SMARCA2: variants seen among roughly 807,000 people sequenced by gnomAD.
The protein encoded by SMARCA2 is SWI/SNF related BAF chromatin remodeling complex subunit ATPase 2, also known as SWI/SNF-related matrix-associated actin-dependent regulator of chromatin subfamily A member 2.
In SMARCA2, 61 loss-of-function variants were observed where a neutral mutation model predicts 199.8. That is an observed-to-expected ratio of 0.31 (90% CI 0.25 to 0.38). SMARCA2 has a LOEUF of 0.38. SMARCA2 is among the 10% of genes least tolerant of loss of function. The pLI, the probability that SMARCA2 is intolerant of heterozygous loss-of-function variation, is 1.00. For missense variants in SMARCA2, 1,344 were observed against 2,012.2 expected, an observed-to-expected ratio of 0.67 and a Z score of 6.35; for synonymous variants, 935 against 732.0, an observed-to-expected ratio of 1.28 and a Z score of -4.48.
chr9:2,180,966 G>A (rs1250520211), intron 29 of SMARCA2, among the ~76,000 whole-genome samples: 2 of 152,082 alleles, frequency 1.3e-5, no homozygotes, highest in Non-Finnish European at 2.9e-5. Context: ...CAAGATGAAG[G>A]GGTTCCTCTG....
At chr9:2,078,025 C>A (rs1821402195) in intron 14 of SMARCA2, among the ~76,000 whole-genome samples, 1 of 152,132 alleles carries the variant, frequency 6.6e-6, no homozygotes, top group Non-Finnish European at 1.5e-5. Context: ...GTGATCTCTG[C>A]AAAATGGAAA....
At chr9:2,061,095 G>A in intron 9 of SMARCA2, 109 bp downstream of exon 9, 1 of 1,075,972 alleles carries the variant, frequency 9.3e-7, no homozygotes, top group East Asian at 2.6e-5. Context: ...GGAAGGTTTA[G>A]ATGATTGAAT....
At chr9:2,020,602 C>G (rs868380951) in intron 1 of SMARCA2, among the ~76,000 whole-genome samples, 5 of 152,146 alleles carry the variant, frequency 3.3e-5, no homozygotes, top group African/African-American at 1.2e-4. Flanking sequence ...TAAATGGGAT[C>G]TTGCAACCTG....
At chr9:2,087,235 T>C in intron 18 of SMARCA2, 164 bp downstream of exon 18, 1 of 778,714 alleles carries the variant, frequency 1.3e-6, no homozygotes, top group Non-Finnish European at 2.0e-6. Context: ...GGTGGGGTTA[T>C]TTTCCCCTCC....
intron 5 of SMARCA2, among the ~76,000 whole-genome samples, chr9:2,051,871 T>C (rs1278954531): frequency 1.3e-5 from 2 of 152,230 alleles, no homozygotes; most frequent in Admixed American, 6.5e-5. Context: ...AGTGGATTTT[T>C]TTCTTTACAT....
chr9:2,158,302 T>C (rs1014833420), intron 27 of SMARCA2: 2 of 156,706 alleles, frequency 1.3e-5, no homozygotes, highest in Non-Finnish European at 2.8e-5. Flanking sequence ...TGGGTTTTTT[T>C]TCGTGACATC....
intron 27 of SMARCA2, among the ~76,000 whole-genome samples, chr9:2,129,494 C>T (rs1205998634): frequency 1.3e-5 from 2 of 152,200 alleles, no homozygotes; most frequent in African/African-American, 4.8e-5. Flanking sequence ...CTGCCTGCTC[C>T]TCGTGGAGTC....
intron 21 of SMARCA2, among the ~76,000 whole-genome samples, chr9:2,100,639 T>A (rs1822468595): frequency 6.6e-6 from 1 of 151,510 alleles, no homozygotes. Flanking sequence ...GAGGCAGAGG[T>A]TTGCAATGAG....
chr9:2,184,864 C>T (rs914151490), intron 31 of SMARCA2, among the ~76,000 whole-genome samples: 3 of 151,436 alleles, frequency 2.0e-5, no homozygotes, highest in Non-Finnish European at 4.4e-5. Flanking sequence ...CTCTCTCTCG[C>T]GCGGGTCCTT....
In SMARCA2 at chr9:2,016,169, C is replaced by T. The variant is rs1818346213; in HGVS notation, c.-37+765C>T. The T allele has an allele frequency of 6.6e-6, 1 of 152,350 alleles. No homozygotes were observed. The highest frequency in any genetic ancestry group is 6.5e-5 in the Admixed American group (1 of 15,280). 9.4% of individuals were successfully genotyped at this position (152,350 alleles called of 1,614,324 possible). On this transcript the variant is annotated intron_variant, in intron 1 of 33. Coordinates refer to ENST00000349721, the MANE Select transcript of SMARCA2 (RefSeq NM_003070.5). This position sits in a 1 kb window ranked among gnomAD's most constrained non-coding sequence, Gnocchi z 5.6. ...GTGCGTGCCTGATCGGAGGTGTCAC[C>T]TCCACTTTCCGCGTTTCCTCCGGCG...
intron 3 of SMARCA2, among the ~76,000 whole-genome samples, chr9:2,038,766 A>T (rs3793479): frequency 0.52 from 78,561 of 151,852 alleles, 20,536 homozygotes; most frequent in East Asian, 0.57. Flanking sequence ...CAATCCTTAA[A>T]TAAGACTCTG....
chr9:2,062,762 A>G (rs1427763991), intron 9 of SMARCA2, among the ~76,000 whole-genome samples: 1 of 152,152 alleles, frequency 6.6e-6, no homozygotes, highest in Non-Finnish European at 1.5e-5. Context: ...TACAATGGTG[A>G]GGAAAAGCAT....
intron 1 of SMARCA2, chr9:2,027,737 C>T (rs773968680): frequency 6.6e-6 from 1 of 152,144 alleles, no homozygotes; most frequent in African/African-American, 2.4e-5. Flanking sequence ...GGTGACTAGG[C>T]CACCACGGTC....
chr9:2,111,068 C>T (rs1352082258), intron 24 of SMARCA2, among the ~76,000 whole-genome samples: 5 of 142,832 alleles, frequency 3.5e-5, no homozygotes, highest in East Asian at 2.0e-4. Context: ...TTAAATTGAG[C>T]GGGTCTCTCA....
chr9:2,076,159 C>T (rs1821315414), intron 12 of SMARCA2, 70 bp from the exon 13 acceptor site: 2 of 880,172 alleles, frequency 2.3e-6, no homozygotes, highest in Non-Finnish European at 3.8e-6. Flanking sequence ...TATGTCTTTT[C>T]AGAAAATGTC....
chr9:2,105,404 C>A (rs1179234713), intron 23 of SMARCA2, among the ~76,000 whole-genome samples: 1 of 140,078 alleles, frequency 7.1e-6, no homozygotes, highest in Non-Finnish European at 1.5e-5. Flanking sequence ...TGCCACCACG[C>A]CCGGCTAATT....
In SMARCA2 at chr9:2,033,186, T is replaced by C. The variant is rs964431436; in HGVS notation, c.355+105T>C. 3.9e-6 allele frequency: 5 copies of C among 1,287,282 alleles called. No individual in the cohort carries two copies. In the African/African-American group the frequency reaches 6.0e-5, roughly 15 times the overall value. 79.7% of individuals were successfully genotyped at this position (1,287,282 alleles called of 1,614,324 possible). The stretch of plus-strand genomic sequence containing the variant: ...TTCCAAAGAATGTGTCTAAGGAAGG[T>C]TGAACCTAGTAGGTTTCTTTTCCTT... On this transcript the variant is annotated intron_variant, in intron 3 of 33. Transcript: ENST00000349721.
intron 20 of SMARCA2, chr9:2,097,122 A>G: frequency 2.0e-6 from 1 of 491,500 alleles, no homozygotes; most frequent in Non-Finnish European, 3.6e-6. Context: ...CGGAATAGAC[A>G]GTCATGTCGC....
intron 1 of SMARCA2, among the ~76,000 whole-genome samples, chr9:2,019,267 G>C: frequency 6.6e-6 from 1 of 152,128 alleles, no homozygotes; most frequent in Non-Finnish European, 1.5e-5. Flanking sequence ...AAGAGGGTGA[G>C]GGGAGGGAGG....
Sources: gnomAD v4.1 joint callset for allele counts (sites outside exome capture counted in the v4.1 genomes callset) on GRCh38, gnomAD v4.1.1 for gene constraint, Gnocchi (gnomAD v3.1) non-coding constraint, MANE v1.5 for transcripts, NCBI Gene and HGNC (gene_info 2026-07-23, HGNC 2026-07-21) for gene names.